The following ZNF420 variants were observed in gnomAD, a reference collection of about 807,000 sequenced individuals.
ZNF420 encodes ATM and p53-associated KZNF protein.
ZNF420 carries 31 observed loss-of-function variants against 44.7 expected under a neutral mutation model. That is an observed-to-expected ratio of 0.69 (90% CI 0.52 to 0.94). The LOEUF is 0.94. ZNF420 is among the 40% of genes least tolerant of loss of function. The pLI is 0.00. For synonymous variants in ZNF420, 245 were observed against 267.4 expected (o/e 0.92, Z 0.82); for missense variants, 681 against 827.9 (o/e 0.82, Z 2.18).
At position 37,129,528 on chromosome 19, in the gene ZNF420, G is replaced by T. The variant is rs994340389; in HGVS notation, c.*470G>T. Reference sequence around the variant, plus strand: ...CAAATATTAGCTACCATTTTCACTAGTGTTATTTTAGAGAATTTGCATGAG... The same window carrying T: ...CAAATATTAGCTACCATTTTCACTATTGTTATTTTAGAGAATTTGCATGAG... On this transcript the variant is annotated 3_prime_UTR_variant, in exon 5 of 5. Coordinates refer to ENST00000337995, the MANE Select transcript of ZNF420 (RefSeq NM_144689.5). 6.1e-6 allele frequency: 1 copy of T among 162,678 alleles called. No individual in the cohort carries two copies. Among genetic ancestry groups the T allele is most frequent in the Non-Finnish European group, 1.3e-5 (1 of 74,336 alleles). The allele number at this position is 162,678 out of a possible 1,614,324, so 10.1% of individuals were successfully genotyped here. A position where few individuals can be genotyped will look rare whatever the true frequency, so the allele number is the denominator to read the frequency against.
At chr19:37,056,917 C>CCCCT (rs1274110233) in intron 1 of ZNF420, among the ~76,000 whole-genome samples, 1 of 152,266 alleles carries the variant, frequency 6.6e-6, no homozygotes, top group East Asian at 1.9e-4. Context: ...CAGCCAAAGG[C>CCCCT]CCCTGCCTCT....
At chr19:37,060,056 C>T (rs551455428) in intron 1 of ZNF420, among the ~76,000 whole-genome samples, 32 of 152,176 alleles carry the variant, frequency 2.1e-4, no homozygotes, top group Non-Finnish European at 3.8e-4. Flanking sequence ...GTCTCGTTTT[C>T]GCGGCGGTTG....
rs1047402985 is a variant in ZNF420 at position 37,089,184 on chromosome 19, G to A, written c.9+57G>A. On this transcript the variant is annotated intron_variant, in intron 3 of 4. Transcript: ENST00000337995. Reference sequence around the variant, plus strand: ...TTACTTTTTTACAGAGCATGTGTGTGTTTGTATTCCTTACTCCTGAAACTT... The same window carrying A: ...TTACTTTTTTACAGAGCATGTGTGTATTTGTATTCCTTACTCCTGAAACTT... 4.1e-6 allele frequency: 6 copies of A among 1,475,512 alleles called. No individual in the cohort carries two copies. In the Admixed American group the frequency reaches 5.0e-5, roughly 12 times the overall value. 91.4% of individuals were successfully genotyped at this position (1,475,512 alleles called of 1,614,324 possible). A position where few individuals can be genotyped will look rare whatever the true frequency, so the allele number is the denominator to read the frequency against.
intron 1 of ZNF420, among the ~76,000 whole-genome samples, chr19:37,028,254 G>A (rs2562603): frequency 0.024 from 3,674 of 152,296 alleles, 160 homozygotes; most frequent in African/African-American, 0.083. Context: ...GGACTGCGGG[G>A]AAAGAGCTTG....
rs1971506754 is a variant in ZNF420 at position 37,128,801 on chromosome 19, C to T, written c.1810C>T (p.Leu604=). 1 of 1,613,656 alleles carries T rather than the reference C, an allele frequency of 6.2e-7. No individual in the cohort carries two copies. The highest frequency in any genetic ancestry group is 8.5e-7 in the Non-Finnish European group (1 of 1,179,972). The change falls in exon 5 of 5, where the codon CTA becomes TTA. Residue 604 remains leucine (L), a synonymous_variant. Coordinates refer to ENST00000337995, the MANE Select transcript of ZNF420 (RefSeq NM_144689.5). ...CTTTAGTCATGGCTCTCAGCTTACT[C>T]TACATCAGAGAATCCATACTGGTGA... ...KAFSHGSQLT[L]HQRIHTGEKP... is the part of the protein sequence containing the mutation.
At chr19:37,064,262 A>G (rs1453796164) in intron 1 of ZNF420, among the ~76,000 whole-genome samples, 2 of 152,218 alleles carry the variant, frequency 1.3e-5, no homozygotes, top group Non-Finnish European at 1.5e-5. Context: ...GAGACTATGT[A>G]AACACACCAT....
At chr19:37,025,770 C>CTTT (rs67671586) in intron 1 of ZNF420, among the ~76,000 whole-genome samples, 2 of 129,478 alleles carry the variant, frequency 1.5e-5, no homozygotes, top group Non-Finnish European at 3.2e-5. Context: ...TTAAACCTGT[C>CTTT]TTTTTTTTTT....
chr19:37,053,362 G>A (rs1015541084), intron 1 of ZNF420, among the ~76,000 whole-genome samples: 6 of 152,162 alleles, frequency 3.9e-5, no homozygotes, highest in Admixed American at 6.5e-5. Flanking sequence ...CTCTCAACTC[G>A]TCAAAGTCAT....
chr19:37,066,523 A>G (rs1967970028), intron 1 of ZNF420, among the ~76,000 whole-genome samples: 1 of 152,230 alleles, frequency 6.6e-6, no homozygotes, highest in African/African-American at 2.4e-5. Context: ...ATACTTCACA[A>G]AGAAAGATGT....
intron 1 of ZNF420, among the ~76,000 whole-genome samples, chr19:37,025,645 G>A (rs1967142296): frequency 1.3e-5 from 2 of 151,718 alleles, no homozygotes; most frequent in African/African-American, 4.8e-5. Context: ...GGAAACAGAG[G>A]CACCAAGATG....
Position 37,089,082 on chromosome 19 carries a change from A to G in ZNF420, c.-37A>G. 1 of 1,608,956 alleles carries G rather than the reference A, an allele frequency of 6.2e-7. No homozygotes were observed. Among genetic ancestry groups the G allele is most frequent in the Non-Finnish European group, 8.5e-7 (1 of 1,175,270 alleles). ...CTGTGCTTTCCTAAGATAGGAACCC[A>G]GAAGAGGACTGATCATTTCTTGCAG... On this transcript the variant is annotated 5_prime_UTR_variant, in exon 3 of 5. Transcript: ENST00000337995.
intron 4 of ZNF420, among the ~76,000 whole-genome samples, chr19:37,097,296 T>C (rs1284944391): frequency 6.9e-6 from 1 of 144,862 alleles, no homozygotes; most frequent in Non-Finnish European, 1.5e-5. Flanking sequence ...TACTGATATA[T>C]ATTATATATG....
chr19:37,054,118 A>G (rs1217434841), intron 1 of ZNF420, among the ~76,000 whole-genome samples: 2 of 152,136 alleles, frequency 1.3e-5, no homozygotes, highest in Admixed American at 6.5e-5. Flanking sequence ...CTGCCGTGCT[A>G]GCAATGAGCA....
At chr19:37,054,422 G>A (rs960514858) in intron 1 of ZNF420, among the ~76,000 whole-genome samples, 1 of 152,224 alleles carries the variant, frequency 6.6e-6, no homozygotes, top group East Asian at 1.9e-4. Context: ...AGTTGGAAAT[G>A]CAGAAATCAC....
chr19:37,051,147 A>G (rs1369972449), intron 1 of ZNF420, among the ~76,000 whole-genome samples: 1 of 152,206 alleles, frequency 6.6e-6, no homozygotes, highest in Non-Finnish European at 1.5e-5. Context: ...GGATTTTTGC[A>G]TCGATGTTCA....
At chr19:37,036,844 G>A (rs1967363385) in intron 1 of ZNF420, among the ~76,000 whole-genome samples, 1 of 152,192 alleles carries the variant, frequency 6.6e-6, no homozygotes, top group African/African-American at 2.4e-5. Context: ...TACAAATGAA[G>A]CTAACAAATA....
chr19:37,053,654 A>G (rs181456764), intron 1 of ZNF420, among the ~76,000 whole-genome samples: 16 of 152,308 alleles, frequency 1.1e-4, no homozygotes, highest in Admixed American at 3.9e-4. Flanking sequence ...GGGTATCAGC[A>G]GTGGAGGCTG....
intron 4 of ZNF420, among the ~76,000 whole-genome samples, chr19:37,094,948 T>G (rs1186751569): frequency 6.6e-6 from 1 of 151,994 alleles, no homozygotes; most frequent in East Asian, 1.9e-4. Flanking sequence ...CTGGCCAACA[T>G]GATGAAATCC....
chr19:37,008,310 C>CTG (rs375857326), intron 1 of ZNF420, among the ~76,000 whole-genome samples: 2 of 152,038 alleles, frequency 1.3e-5, no homozygotes, highest in Admixed American at 1.3e-4. Context: ...GTTTCTTTCT[C>CTG]TGTGTGTGTG....
Sources: gnomAD v4.1 joint callset for allele counts (sites outside exome capture counted in the v4.1 genomes callset) on GRCh38, gnomAD v4.1.1 for gene constraint, MANE v1.5 for transcripts, NCBI Gene and HGNC (gene_info 2026-07-23, HGNC 2026-07-21) for gene names.